XYLT1: variants seen among roughly 807,000 people sequenced by gnomAD.
XYLT1 encodes xylosyltransferase 1.
A neutral mutation model predicts 91.3 loss-of-function variants in XYLT1; 36 were observed. That is an observed-to-expected ratio of 0.39 (90% CI 0.30 to 0.52). The LOEUF is 0.52. Ranked by LOEUF, XYLT1 falls within the 20% of genes least tolerant of loss-of-function variation. The pLI is 0.68. For synonymous variants in XYLT1, 588 were observed against 532.0 expected (o/e 1.11, Z -1.45); for missense variants, 1,242 against 1,284.5 (o/e 0.97, Z 0.51).
intron 1 of XYLT1, among the ~76,000 whole-genome samples, chr16:17,383,239 GC>G (rs1204042346): frequency 6.6e-6 from 1 of 151,800 alleles, no homozygotes. Context: ...ATTTTGCACG[GC>G]CCATTCTCTC....
chr16:17,212,364 T>A (rs2032774954), intron 3 of XYLT1, among the ~76,000 whole-genome samples: 2 of 152,182 alleles, frequency 1.3e-5, no homozygotes, highest in Non-Finnish European at 2.9e-5. Context: ...TTAATTAGTT[T>A]GGTGGGCGCA....
rs576622537 is a variant in XYLT1, at chr16:17,172,974, A to C, written c.1290-14065T>G. Among the ~76,000 whole-genome samples, 8 of 152,272 alleles carry C rather than the reference A, an allele frequency of 5.3e-5. No individual in the cohort carries two copies. The East Asian group carries it at 1.5e-3, about 29-fold the overall frequency. ...TCTTTTCCCAGAGAGGTATTTACTC[A>C]GGGGCAATACCTTAGTCCTGCTCCT... On this transcript the variant is annotated intron_variant, in intron 5 of 11. Transcript: ENST00000261381.
rs892079724 is a variant in XYLT1 at position 17,418,117 on chromosome 16, C to A, written c.363+52317G>T. Among the ~76,000 whole-genome samples, 4 of 152,302 alleles carry A rather than the reference C, an allele frequency of 2.6e-5. No homozygotes were observed. The South Asian group carries it at 8.3e-4, about 32-fold the overall frequency. On this transcript the variant is annotated intron_variant, in intron 1 of 11. Coordinates refer to ENST00000261381, the MANE Select transcript of XYLT1 (RefSeq NM_022166.4). ...AGCCACGTCTAGTCAGCCCACAAAA[C>A]CTTGAGAGATGATACTAAAGCACTG...
At chr16:17,370,279 C>T (rs965473536) in intron 1 of XYLT1, among the ~76,000 whole-genome samples, 1 of 152,188 alleles carries the variant, frequency 6.6e-6, no homozygotes, top group Non-Finnish European at 1.5e-5. Flanking sequence ...ATAATCAACA[C>T]GCAGGAGACG....
At chr16:17,466,789 T>A (rs1316720483) in intron 1 of XYLT1, among the ~76,000 whole-genome samples, 1 of 152,154 alleles carries the variant, frequency 6.6e-6, no homozygotes, top group South Asian at 2.1e-4. Context: ...GATAAACAGA[T>A]GGCAACATTT....
intron 1 of XYLT1, among the ~76,000 whole-genome samples, chr16:17,406,787 A>C (rs1244606021): frequency 6.6e-6 from 1 of 152,162 alleles, no homozygotes; most frequent in African/African-American, 2.4e-5. Flanking sequence ...AAGAAAAAAC[A>C]AAAGAAGAAA....
intron 1 of XYLT1, among the ~76,000 whole-genome samples, chr16:17,404,111 C>T (rs979899285): frequency 5.3e-5 from 8 of 150,194 alleles, no homozygotes; most frequent in Admixed American, 6.7e-5. Context: ...GGGGGGGGGG[C>T]TCAGGGAGGA....
Position 17,470,834 on chromosome 16 carries a change from C to T in XYLT1, c.-38G>A. 1 of 851,126 alleles carries T rather than the reference C, an allele frequency of 1.2e-6. No individual in the cohort carries two copies. Among genetic ancestry groups the T allele is most frequent in the Non-Finnish European group, 1.3e-6 (1 of 771,114 alleles). 52.7% of individuals were successfully genotyped at this position (851,126 alleles called of 1,614,324 possible). A position where few individuals can be genotyped will look rare whatever the true frequency, so the allele number is the denominator to read the frequency against. On this transcript the variant is annotated 5_prime_UTR_variant, in exon 1 of 12. Transcript: ENST00000261381. Reference sequence around the variant, plus strand: ...GCCGGCGAGCGAGGCGCGGGGACCCCGGCACGCTCCGGGCCGCCCCCGCGC... The same window carrying T: ...GCCGGCGAGCGAGGCGCGGGGACCCTGGCACGCTCCGGGCCGCCCCCGCGC...
chr16:17,453,892 T>G (rs576448526), intron 1 of XYLT1, among the ~76,000 whole-genome samples: 1 of 152,340 alleles, frequency 6.6e-6, no homozygotes, highest in East Asian at 1.9e-4. Context: ...GATGGCACCA[T>G]TCCCAAAAGC....
chr16:17,215,549 C>T (rs558461328), intron 3 of XYLT1, among the ~76,000 whole-genome samples: 13 of 152,192 alleles, frequency 8.5e-5, no homozygotes, highest in Non-Finnish European at 1.5e-5. Flanking sequence ...TCATAGCTTC[C>T]AAAATGGAGA....
chr16:17,171,728 A>C (rs2031824559), intron 5 of XYLT1, among the ~76,000 whole-genome samples: 1 of 152,238 alleles, frequency 6.6e-6, no homozygotes, highest in South Asian at 2.1e-4. Context: ...GGGGAACCCC[A>C]GGTTGGGGCT....
At chr16:17,448,209 A>T (rs538627277) in intron 1 of XYLT1, among the ~76,000 whole-genome samples, 1 of 152,268 alleles carries the variant, frequency 6.6e-6, no homozygotes, top group East Asian at 1.9e-4. Context: ...CTCTACTAAA[A>T]ATACAAAAAT....
chr16:17,380,347 C>A (rs2035664050), intron 1 of XYLT1, among the ~76,000 whole-genome samples: 1 of 151,978 alleles, frequency 6.6e-6, no homozygotes, highest in Non-Finnish European at 1.5e-5. Context: ...CGAGATGTGC[C>A]CATTTAGCAG....
intron 3 of XYLT1, among the ~76,000 whole-genome samples, chr16:17,233,102 A>G (rs536431062): frequency 6.6e-6 from 1 of 152,108 alleles, no homozygotes; most frequent in African/African-American, 2.4e-5. Context: ...GCATGTTGAC[A>G]TCAAATAGGG....
At chr16:17,253,305 C>T (rs917267325) in intron 3 of XYLT1, among the ~76,000 whole-genome samples, 1 of 152,106 alleles carries the variant, frequency 6.6e-6, no homozygotes, top group African/African-American at 2.4e-5. Context: ...GTCGCTGAGG[C>T]TGGGTGTGCA....
At chr16:17,354,399 AGCTGCACAGGGACAGATTAACCAAGC>A (rs2035264331) in intron 2 of XYLT1, among the ~76,000 whole-genome samples, 1 of 152,198 alleles carries the variant, frequency 6.6e-6, no homozygotes, top group Non-Finnish European at 1.5e-5. Flanking sequence ...AACTCAGAAC[AGCTGCACAGGGACAGATTAACCAAGC>A]GATGGCTGAG....
chr16:17,179,355 AC>A (rs2032015035), intron 5 of XYLT1, among the ~76,000 whole-genome samples: 1 of 152,212 alleles, frequency 6.6e-6, no homozygotes, highest in South Asian at 2.1e-4. Context: ...ACACACCTGC[AC>A]ATGTACCCCT....
rs140134317 is a variant in XYLT1, at chr16:17,286,606, G to A, written c.403-27108C>T. On this transcript the variant is annotated intron_variant, in intron 2 of 11. Coordinates refer to ENST00000261381, the MANE Select transcript of XYLT1 (RefSeq NM_022166.4). Reference sequence around the variant, plus strand: ...AGCTAGCCACACTTAGGCACATTACGTATATTAGCTTCTTGAATCCTCACA... The same window carrying A: ...AGCTAGCCACACTTAGGCACATTACATATATTAGCTTCTTGAATCCTCACA... Among the ~76,000 whole-genome samples the A allele has an allele frequency of 1.6e-3, 237 of 152,286 alleles. 1 individual carries two copies. The highest frequency in any genetic ancestry group is 4.6e-3 in the South Asian group (22 of 4,822).
At chr16:17,429,114 A>G (rs966647077) in intron 1 of XYLT1, among the ~76,000 whole-genome samples, 10 of 152,210 alleles carry the variant, frequency 6.6e-5, no homozygotes, top group Non-Finnish European at 1.3e-4. Context: ...CTGCAGGGGG[A>G]AAGGAGCAAC....
Sources: gnomAD v4.1 joint callset for allele counts (sites outside exome capture counted in the v4.1 genomes callset) on GRCh38, gnomAD v4.1.1 for gene constraint, MANE v1.5 for transcripts, NCBI Gene and HGNC (gene_info 2026-07-23, HGNC 2026-07-21) for gene names.